Variants in SIM2 observed in about 807,000 individuals in gnomAD.
The protein encoded by SIM2 is single-minded homolog 2.
SIM2 carries 28 observed loss-of-function variants against 64.8 expected under a neutral mutation model. The observed-to-expected ratio is 0.43, with a 90% CI of 0.32 to 0.59. The LOEUF (loss-of-function observed/expected upper bound fraction) is 0.59. SIM2 is among the 20% of genes least tolerant of loss of function. SIM2 has a pLI of 0.07. For synonymous variants in SIM2, 408 were observed against 391.1 expected, an observed-to-expected ratio of 1.04 and a Z score of -0.51; for missense variants, 847 against 871.4, an observed-to-expected ratio of 0.97 and a Z score of 0.35.
rs751205898 is a variant in SIM2, at chr21:36,723,117, G to A, written c.530G>A (p.Cys177Tyr). The A allele has an allele frequency of 1.5e-5, 24 of 1,613,922 alleles. No homozygotes were observed. The African/African-American group carries it at 2.8e-4, about 19-fold the overall frequency. Residue 177 changes from cysteine (C) to tyrosine (Y), a missense_variant, in exon 5 of 11, where the codon TGC becomes TAC. By Grantham distance (194) the Cys-to-Tyr change is radical (BLOSUM62 -2). Transcript: ENST00000290399. ...GCGAAAAGGAACGCGGGCCTGACCTGCAGCGGATACAAGGTACGGGGAGTC... is the reference window on the plus strand; with the variant it reads ...GCGAAAAGGAACGCGGGCCTGACCTACAGCGGATACAAGGTACGGGGAGTC... ...VLAKRNAGLT[C>Y]SGYKVIHCSG...
At chr21:36,734,269 G>C (rs1480040148) in intron 7 of SIM2, among the ~76,000 whole-genome samples, 1 of 152,126 alleles carries the variant, frequency 6.6e-6, no homozygotes, top group African/African-American at 2.4e-5. Flanking sequence ...TGGTTTATAT[G>C]ATGAAGCCAC....
At position 36,699,508 on chromosome 21, in the gene SIM2, G is replaced by A. The variant is rs1025764780; in HGVS notation, c.-239G>A. The A allele has an allele frequency of 3.2e-5, 11 of 345,216 alleles. No individual in the cohort carries two copies. Among genetic ancestry groups the A allele is most frequent in the African/African-American group, 8.7e-5 (4 of 45,780 alleles). The allele number at this position is 345,216 out of a possible 1,614,324, so 21.4% of individuals were successfully genotyped here. On this transcript the variant is annotated 5_prime_UTR_variant, in exon 1 of 11. Coordinates refer to ENST00000290399, the MANE Select transcript of SIM2 (RefSeq NM_005069.6). The surrounding 1 kb of genome is among the most constrained non-coding windows in gnomAD (Gnocchi z 5.6). The stretch of plus-strand genomic sequence containing the variant: ...CGGTTGCTGCAGGACGGTCCAGCCC[G>A]GAGGAGGCTGCGCTCCGGGCAGCGG...
chr21:36,742,880 C>G (rs557062216), intron 8 of SIM2, among the ~76,000 whole-genome samples: 2 of 152,266 alleles, frequency 1.3e-5, no homozygotes, highest in South Asian at 4.1e-4. Flanking sequence ...TCGACCTCTC[C>G]TTGTGTGAAC....
chr21:36,713,875 G>A (rs2123437958), intron 3 of SIM2, among the ~76,000 whole-genome samples: 1 of 152,292 alleles, frequency 6.6e-6, no homozygotes, highest in Middle Eastern at 3.4e-3. Context: ...ATATTAAAAT[G>A]ATATGGAAGT....
chr21:36,745,821 C>T lies in SIM2; in HGVS notation c.1576+685C>T. On this transcript the variant is annotated intron_variant, in intron 10 of 10. Transcript: ENST00000290399. This position sits in a 1 kb window ranked among gnomAD's most constrained non-coding sequence, Gnocchi z 4.8. ...CAAGCAGATGTCCTCTGCGGAGATA[C>T]CGCCAGCTCCCCAGGACGCAGACTG... is the stretch of plus-strand genomic sequence containing the variant. 7.7e-7 allele frequency: 1 copy of T among 1,304,080 alleles called. No individual in the cohort carries two copies. Among genetic ancestry groups the T allele is most frequent in the Non-Finnish European group, 1.0e-6 (1 of 988,822 alleles). 80.8% of individuals were successfully genotyped at this position (1,304,080 alleles called of 1,614,324 possible).
intron 3 of SIM2, among the ~76,000 whole-genome samples, chr21:36,719,191 A>G (rs1165892166): frequency 6.6e-6 from 1 of 152,240 alleles, no homozygotes. Context: ...GAATTAGCAC[A>G]GTCATCTCGG....
intron 1 of SIM2, among the ~76,000 whole-genome samples, chr21:36,707,939 G>A (rs1381704232): frequency 2.3e-5 from 1 of 44,250 alleles, no homozygotes; most frequent in Non-Finnish European, 4.4e-5. Flanking sequence ...CAGGACGGCA[G>A]TGGGGGGCTG....
chr21:36,703,571 C>G (rs1371363872), intron 1 of SIM2, among the ~76,000 whole-genome samples: 1 of 152,222 alleles, frequency 6.6e-6, no homozygotes, highest in East Asian at 1.9e-4. Flanking sequence ...TCTGGGTGAC[C>G]ACCTTTTCTT....
intron 3 of SIM2, among the ~76,000 whole-genome samples, chr21:36,715,752 C>T (rs1187195906): frequency 6.6e-6 from 1 of 152,156 alleles, no homozygotes; most frequent in Non-Finnish European, 1.5e-5. Context: ...TTGGTCTAAC[C>T]TCTACTAAAT....
intron 4 of SIM2, chr21:36,720,588 T>C (rs1260034351): frequency 6.6e-6 from 1 of 152,272 alleles, no homozygotes; most frequent in Admixed American, 6.5e-5. Context: ...TATATCCGTA[T>C]CACTGTGTTG....
chr21:36,726,212 G>T lies in SIM2; in HGVS notation c.637G>T (p.Val213Leu). Reference sequence around the variant, plus strand: ...CTACCAGATTGTGGGGCTGGTGGCCGTGGGCCAGTCGCTGCCACCCAGTGC... The same window carrying T: ...CTACCAGATTGTGGGGCTGGTGGCCTTGGGCCAGTCGCTGCCACCCAGTGC... ...SCYQIVGLVA[V>L]GQSLPPSAIT... Residue 213 changes from valine (V) to leucine (L), a missense_variant, in exon 6 of 11, where the codon GTG becomes TTG. By Grantham distance (32) the Val-to-Leu change is conservative. This residue lies in a region of SIM2 where 397 missense variants were observed against 439.2 expected (regional missense o/e 0.90). Coordinates refer to ENST00000290399, the MANE Select transcript of SIM2 (RefSeq NM_005069.6). This position sits in a 1 kb window ranked among gnomAD's most constrained non-coding sequence, Gnocchi z 4.5. The T allele has an allele frequency of 1.2e-6, 2 of 1,613,896 alleles. No homozygotes were observed. The highest frequency in any genetic ancestry group is 1.7e-6 in the Non-Finnish European group (2 of 1,179,998).
intron 1 of SIM2, among the ~76,000 whole-genome samples, chr21:36,708,101 G>C (rs2123423606): frequency 6.6e-6 from 1 of 152,342 alleles, no homozygotes; most frequent in East Asian, 1.9e-4. Context: ...GGAGGTTGGG[G>C]TGCAGGCGGT....
chr21:36,737,578 G>A (rs1173771627), intron 7 of SIM2, among the ~76,000 whole-genome samples: 4 of 152,228 alleles, frequency 2.6e-5, no homozygotes, highest in Admixed American at 6.5e-5. Context: ...GAACCGTGAT[G>A]TCCACATGGC....
intron 8 of SIM2, among the ~76,000 whole-genome samples, chr21:36,742,686 G>C (rs1007978801): frequency 6.6e-6 from 1 of 152,154 alleles, no homozygotes; most frequent in Non-Finnish European, 1.5e-5. Flanking sequence ...TTGCCATGCC[G>C]CCAGCCCCAT....
intron 7 of SIM2, among the ~76,000 whole-genome samples, chr21:36,734,500 A>G (rs539946334): frequency 3.9e-5 from 6 of 152,296 alleles, no homozygotes; most frequent in African/African-American, 1.4e-4. Context: ...TGCTAGAGAA[A>G]CAACCAGAAA....
intron 7 of SIM2, among the ~76,000 whole-genome samples, chr21:36,736,963 G>A (rs771085480): frequency 1.1e-4 from 17 of 149,960 alleles, no homozygotes; most frequent in Non-Finnish European, 1.6e-4. Context: ...GTCTCACTCT[G>A]TCACCCAGTC....
intron 1 of SIM2, among the ~76,000 whole-genome samples, chr21:36,708,645 T>A (rs1229127581): frequency 6.6e-6 from 1 of 151,832 alleles, no homozygotes; most frequent in Non-Finnish European, 1.5e-5. Flanking sequence ...TAGGGGGTTT[T>A]TTATGCGGGA....
At chr21:36,707,876 G>C (rs2088608247) in intron 1 of SIM2, among the ~76,000 whole-genome samples, 1 of 152,232 alleles carries the variant, frequency 6.6e-6, no homozygotes, top group South Asian at 2.1e-4. Context: ...CTCGTATCCC[G>C]CGCTGCCCGG....
chr21:36,716,133 A>T (rs1232956719), intron 3 of SIM2, among the ~76,000 whole-genome samples: 1 of 152,246 alleles, frequency 6.6e-6, no homozygotes, highest in African/African-American at 2.4e-5. Context: ...TGGATGAGGT[A>T]GAGTTGGGGC....
Sources: gnomAD v4.1 joint callset for allele counts (sites outside exome capture counted in the v4.1 genomes callset) on GRCh38, gnomAD v4.1.1 for gene constraint, gnomAD v4.1.1 regional missense constraint, Gnocchi (gnomAD v3.1) non-coding constraint, MANE v1.5 for transcripts, NCBI Gene and HGNC (gene_info 2026-07-23, HGNC 2026-07-21) for gene names.